The following MUCL1 variants were observed in gnomAD, a reference collection of about 807,000 sequenced individuals.
MUCL1 encodes the protein mucin-like protein 1.
MUCL1 carries 11 observed loss-of-function variants against 9.2 expected under a neutral mutation model. The observed-to-expected ratio is 1.19, with a 90% CI of 0.75 to 1.97. The LOEUF is 1.97. MUCL1 is among the 30% of genes most tolerant of loss of function. The pLI is 0.00. For synonymous variants in MUCL1, 48 were observed against 40.5 expected (o/e 1.19, Z -0.71); for missense variants, 144 against 110.9 (o/e 1.30, Z -1.34).
upstream of MUCL1, among the ~76,000 whole-genome samples, chr12:54,838,823 T>A (rs956314430): frequency 2.0e-5 from 3 of 152,070 alleles, no homozygotes; most frequent in Non-Finnish European, 4.4e-5. Flanking sequence ...TTCATTATTA[T>A]CCTGAATTGT....
upstream of MUCL1, among the ~76,000 whole-genome samples, chr12:54,853,513 G>A (rs77746513): frequency 1.3e-3 from 194 of 152,118 alleles, no homozygotes; most frequent in East Asian, 0.031. Context: ...TTTCCTTTCC[G>A]TTGCATTATC....
chr12:54,836,681 A>C (rs571583017), upstream of MUCL1, among the ~76,000 whole-genome samples: 2 of 152,180 alleles, frequency 1.3e-5, no homozygotes, highest in African/African-American at 4.8e-5. Flanking sequence ...TAGGTTGTCA[A>C]CTTGTGATCT....
chr12:54,853,843 T>C (rs1868276335), upstream of MUCL1, among the ~76,000 whole-genome samples: 1 of 152,246 alleles, frequency 6.6e-6, no homozygotes, highest in African/African-American at 2.4e-5. Flanking sequence ...GCTCAATGAA[T>C]GTTTTTTGAA....
chr12:54,839,243 T>G (rs2121484350), upstream of MUCL1: 1 of 627,310 alleles, frequency 1.6e-6, no homozygotes, highest in African/African-American at 1.8e-5. Context: ...ACTCAGCTAC[T>G]GGTTGTAGTA....
rs567123320 is a variant in MUCL1, at chr12:54,847,208, C to T, written c.43+7761C>T. 1.2e-4 allele frequency among the ~76,000 whole-genome samples: 19 copies of T among 152,264 alleles called. No homozygotes were observed. In the South Asian group the frequency reaches 3.1e-3, roughly 25 times the overall value. Reference sequence around the variant, plus strand: ...TAACTCTCATGTATCAAGAAGTAACCGAGTGCCGGGCACTCTTCTAAGTAT... The same window carrying T: ...TAACTCTCATGTATCAAGAAGTAACTGAGTGCCGGGCACTCTTCTAAGTAT... On this transcript the variant is annotated intron_variant, in intron 1 of 3. Coordinates refer to the MUCL1 transcript ENST00000546809.
chr12:54,855,185 T>G (rs1211754596), intron 2 of MUCL1, 28 bp downstream of exon 2: 1 of 1,607,888 alleles, frequency 6.2e-7, no homozygotes, highest in South Asian at 1.1e-5. Context: ...TGTCATCTCT[T>G]TCCAGCAATA....
At chr12:54,851,107 G>T (rs186818195), upstream of MUCL1, among the ~76,000 whole-genome samples, 4 of 152,192 alleles carry the variant, frequency 2.6e-5, no homozygotes, top group Admixed American at 6.5e-5. Context: ...CTATTCTGTA[G>T]GTTGCCTGTT....
intron 1 of MUCL1, among the ~76,000 whole-genome samples, chr12:54,848,196 G>C (rs1001132759): frequency 2.6e-5 from 4 of 151,964 alleles, no homozygotes; most frequent in Admixed American, 2.0e-4. Flanking sequence ...GAGGAGTCTG[G>C]TTTTGGACCA....
At chr12:54,851,827 T>A (rs1202487834), upstream of MUCL1, among the ~76,000 whole-genome samples, 5 of 152,122 alleles carry the variant, frequency 3.3e-5, no homozygotes, top group Non-Finnish European at 7.4e-5. Flanking sequence ...GATACAAAAA[T>A]CAATGTGCAA....
chr12:54,842,954 C>T (rs1034423821), intron 1 of MUCL1, among the ~76,000 whole-genome samples: 6 of 152,174 alleles, frequency 3.9e-5, no homozygotes, highest in Admixed American at 2.0e-4. Flanking sequence ...TGTTTAGATA[C>T]GTTTAGACAC....
upstream of MUCL1, among the ~76,000 whole-genome samples, chr12:54,835,514 T>A (rs960934217): frequency 6.6e-6 from 1 of 152,086 alleles, no homozygotes; most frequent in African/African-American, 2.4e-5. Flanking sequence ...ATTAGCAATG[T>A]TGAGTATTTT....
At chr12:54,837,683 G>T (rs1463795291), upstream of MUCL1, among the ~76,000 whole-genome samples, 1 of 152,084 alleles carries the variant, frequency 6.6e-6, no homozygotes, top group East Asian at 1.9e-4. Context: ...GCAGGAGAAT[G>T]GCGTGAACCC....
chr12:54,831,440 T>C (rs761258150), intron 1 of MUCL1, among the ~76,000 whole-genome samples: 2 of 152,144 alleles, frequency 1.3e-5, no homozygotes, highest in Non-Finnish European at 2.9e-5. Flanking sequence ...CAGCATTAAG[T>C]ATAATAGAAA....
rs1179347139 is a variant in MUCL1, at chr12:54,856,891, A to C, written c.222A>C (p.Pro74=). The C allele has an allele frequency of 6.2e-7, 1 of 1,613,712 alleles. No homozygotes were observed. The highest frequency in any genetic ancestry group is 2.2e-5 in the East Asian group (1 of 44,856). The part of the protein sequence containing the change: ...AASTTARKDI[P]VLPKWVGDLP... The stretch of plus-strand genomic sequence containing the variant: ...CTACCACTGCTCGTAAAGACATTCC[A>C]GGTAGCAAGACTCCTCCATCTGTGT... Residue 74 remains proline, a splice_region_variant and synonymous_variant, in exon 3 of 4, where the codon CCA becomes CCC. Transcript: ENST00000308796.
chr12:54,841,375 G>A (rs992242201), intron 1 of MUCL1, among the ~76,000 whole-genome samples: 6 of 152,114 alleles, frequency 3.9e-5, no homozygotes, highest in Non-Finnish European at 7.4e-5. Context: ...GTATTGCTGG[G>A]TCATATGGTA....
At chr12:54,850,236 T>G (rs1565777432), upstream of MUCL1, among the ~76,000 whole-genome samples, 2 of 152,150 alleles carry the variant, frequency 1.3e-5, no homozygotes, top group Non-Finnish European at 2.9e-5. Context: ...TGTATACATG[T>G]GCCATGTTGG....
chr12:54,844,556 A>G (rs1268418210), intron 1 of MUCL1, among the ~76,000 whole-genome samples: 1 of 152,176 alleles, frequency 6.6e-6, no homozygotes, highest in Non-Finnish European at 1.5e-5. Flanking sequence ...AACTGATGAC[A>G]CTTTTGACAT....
chr12:54,856,586 C>G (rs899829060), intron 2 of MUCL1, among the ~76,000 whole-genome samples, 184 bp from the exon 3 acceptor site: 13 of 152,136 alleles, frequency 8.5e-5, no homozygotes, highest in Non-Finnish European at 1.6e-4. Context: ...TCTGTCCCAG[C>G]AAAGACAAGA....
intron 1 of MUCL1, among the ~76,000 whole-genome samples, chr12:54,840,008 T>C (rs1959201940): frequency 6.6e-6 from 1 of 152,182 alleles, no homozygotes; most frequent in African/African-American, 2.4e-5. Context: ...TCCCACCTGG[T>C]ATTCCCTTGA....
Sources: allele counts gnomAD v4.1 joint callset (sites outside exome capture counted in the v4.1 genomes callset), GRCh38; gene constraint gnomAD v4.1.1; transcripts MANE v1.5; gene names NCBI Gene and HGNC (gene_info 2026-07-23, HGNC 2026-07-21).